The following DYNC1LI2 variants were observed in gnomAD, a reference collection of about 807,000 sequenced individuals.
DYNC1LI2 encodes cytoplasmic dynein 1 light intermediate chain 2.
A neutral mutation model predicts 57.8 loss-of-function variants in DYNC1LI2; 19 were observed. The ratio of observed to expected loss-of-function variants is 0.33; its 90% confidence interval spans 0.23 to 0.48. DYNC1LI2 has a LOEUF of 0.48. DYNC1LI2 is among the 20% of genes least tolerant of loss of function. DYNC1LI2 has a pLI of 0.99. For synonymous variants in DYNC1LI2, 256 were observed against 233.4 expected (o/e 1.10, Z -0.88); for missense variants, 470 against 604.2 (o/e 0.78, Z 2.33).
chr16:66,747,427 G>C (rs140339620), intron 3 of DYNC1LI2, among the ~76,000 whole-genome samples: 190 of 152,248 alleles, frequency 1.2e-3, no homozygotes, highest in Non-Finnish European at 2.2e-3. Context: ...TACGGTGCTG[G>C]AAAGGACCTT....
chr16:66,736,626 T>C (rs1361280122), intron 4 of DYNC1LI2, among the ~76,000 whole-genome samples: 2 of 152,156 alleles, frequency 1.3e-5, no homozygotes, highest in Non-Finnish European at 2.9e-5. Flanking sequence ...GCTTCCCAAG[T>C]AGCTGGGACT....
At chr16:66,739,728 A>T (rs1305440806) in intron 4 of DYNC1LI2, among the ~76,000 whole-genome samples, 1 of 152,224 alleles carries the variant, frequency 6.6e-6, no homozygotes, top group Non-Finnish European at 1.5e-5. Context: ...GCGCCTGGCC[A>T]ACTTAGCATT....
chr16:66,742,586 G>T lies in DYNC1LI2; in HGVS notation c.381C>A (p.Ser127=), dbSNP rs749498251. The part of the protein sequence containing the change: ...GLLKFAVSAE[S]LPETLVIFVA... ...CAAAAATGACGAGGGTCTCTGGCAA[G>T]GATTCAGCAGAAACTGCAAATTTCA... is the stretch of plus-strand genomic sequence containing the variant. Residue 127 remains serine, a synonymous_variant, in exon 4 of 13, where the codon TCC becomes TCA. Transcript: ENST00000258198. The T allele has an allele frequency of 2.8e-5, 46 of 1,614,086 alleles. No homozygotes were observed. Among genetic ancestry groups the T allele is most frequent in the Non-Finnish European group, 3.7e-5 (44 of 1,180,062 alleles).
At chr16:66,750,211 C>G (rs1191304730) in intron 2 of DYNC1LI2, among the ~76,000 whole-genome samples, 1 of 152,158 alleles carries the variant, frequency 6.6e-6, no homozygotes, top group Non-Finnish European at 1.5e-5. Flanking sequence ...ATCTTGATCC[C>G]CCACTTCTTG....
intron 8 of DYNC1LI2, among the ~76,000 whole-genome samples, chr16:66,729,689 G>T (rs1164998161): frequency 1.4e-5 from 2 of 147,642 alleles, no homozygotes; most frequent in Non-Finnish European, 3.0e-5. Flanking sequence ...CAATTCTCCT[G>T]CCTCAGCCTC....
At position 66,734,232 on chromosome 16, in the gene DYNC1LI2, C is replaced by A. The variant is rs751544781; in HGVS notation, c.779G>T (p.Arg260Met). ...HLDFIQSHLR[R>M]FCLQYGAALI... ...CCAAAGGATACACTGAAGGCAGAACCTCCGCAGGTGTGACTGGATAAAGTC... is the reference window on the plus strand; with the variant it reads ...CCAAAGGATACACTGAAGGCAGAACATCCGCAGGTGTGACTGGATAAAGTC... Residue 260 changes from arginine to methionine, a missense_variant, in exon 6 of 13, where the codon AGG (arginine) becomes ATG (methionine). Coordinates refer to ENST00000258198, the MANE Select transcript of DYNC1LI2 (RefSeq NM_006141.3). 4 of 1,614,034 alleles carry A rather than the reference C, an allele frequency of 2.5e-6. No individual in the cohort carries two copies. The African/African-American group carries it at 4.0e-5, about 16-fold the overall frequency.
At chr16:66,749,482 G>C (rs1409924626) in intron 2 of DYNC1LI2, among the ~76,000 whole-genome samples, 169 bp from the exon 3 acceptor site, 1 of 152,172 alleles carries the variant, frequency 6.6e-6, no homozygotes, top group African/African-American at 2.4e-5. Context: ...GGTTGGGAGG[G>C]TGGGGAGGAG....
In DYNC1LI2 at chr16:66,751,491, C is replaced by A. The variant is rs1479950869; in HGVS notation, c.101G>T (p.Ser34Ile). The part of the protein sequence containing the change: ...DLTSEEEEGQ[S>I]LWSSILSEVS... ...CGACCGCCCGCGGCCTCACCATAGG[C>A]TCTGGCCTTCCTCCTCCTCACTGGT... The change falls in exon 1 of 13, where the codon AGC becomes ATC. Residue 34 changes from serine to isoleucine, a missense_variant. Ser to Ile is a moderately radical substitution (Grantham distance 142). Transcript: ENST00000258198. This position sits in a 1 kb window ranked among gnomAD's most constrained non-coding sequence, Gnocchi z 5.2. 6.3e-7 allele frequency: 1 copy of A among 1,589,866 alleles called. No individual in the cohort carries two copies.
chr16:66,751,449 C>T lies in DYNC1LI2; in HGVS notation c.107+36G>A, dbSNP rs755815922. On this transcript the variant is annotated intron_variant, in intron 1 of 12. Coordinates refer to ENST00000258198, the MANE Select transcript of DYNC1LI2 (RefSeq NM_006141.3). The surrounding 1 kb of genome is among the most constrained non-coding windows in gnomAD (Gnocchi z 5.2). ...CCGACGGTCCGGCCCAGAGGCCGCG[C>T]CCCCCACGGCCCGGCCCGACCGCCC... The T allele has an allele frequency of 6.3e-7, 1 of 1,577,550 alleles. No individual in the cohort carries two copies. Among genetic ancestry groups the T allele is most frequent in the Non-Finnish European group, 8.6e-7 (1 of 1,165,892 alleles).
intron 12 of DYNC1LI2, among the ~76,000 whole-genome samples, chr16:66,724,110 C>T (rs1407052755): frequency 6.6e-6 from 1 of 152,146 alleles, no homozygotes; most frequent in Admixed American, 6.5e-5. Context: ...TCTGAAAACC[C>T]TCTCACCACC....
chr16:66,734,100 A>C (rs2017686401), intron 6 of DYNC1LI2, 118 bp downstream of exon 6: 1 of 861,104 alleles, frequency 1.2e-6, no homozygotes, highest in Non-Finnish European at 1.8e-6. Context: ...AAAAAGATAT[A>C]TACAAATTCT....
In DYNC1LI2 at chr16:66,727,846, A is replaced by G. The variant is rs775800498; in HGVS notation, c.1144-41T>C. On this transcript the variant is annotated intron_variant, in intron 10 of 12. Coordinates refer to ENST00000258198, the MANE Select transcript of DYNC1LI2 (RefSeq NM_006141.3). The stretch of plus-strand genomic sequence containing the variant: ...GCTAAGGTCACACACAGGCATAACA[A>G]TAACAAAAAATACATATGCCACAAA... 25 of 1,511,732 alleles carry G rather than the reference A, an allele frequency of 1.7e-5. No homozygotes were observed. The Admixed American group carries it at 2.2e-4, about 13-fold the overall frequency. The allele number at this position is 1,511,732 out of a possible 1,614,324, so 93.6% of individuals were successfully genotyped here.
chr16:66,749,903 A>T (rs932403808), intron 2 of DYNC1LI2, among the ~76,000 whole-genome samples: 1 of 152,198 alleles, frequency 6.6e-6, no homozygotes, highest in African/African-American at 2.4e-5. Context: ...GCACTTCTTC[A>T]TCTCCCTCCA....
At chr16:66,735,738 C>T (rs2017722491) in intron 5 of DYNC1LI2, among the ~76,000 whole-genome samples, 1 of 151,630 alleles carries the variant, frequency 6.6e-6, no homozygotes, top group African/African-American at 2.4e-5. Context: ...CATCTACTGA[C>T]CTCATGATCC....
intron 6 of DYNC1LI2, among the ~76,000 whole-genome samples, chr16:66,733,735 T>C (rs1444234750): frequency 6.6e-6 from 1 of 151,902 alleles, no homozygotes; most frequent in Non-Finnish European, 1.5e-5. Context: ...CTGGAAGTGG[T>C]GGCGCACACC....
chr16:66,730,534 G>A, intron 7 of DYNC1LI2: 1 of 215,904 alleles, frequency 4.6e-6, no homozygotes, highest in Non-Finnish European at 9.2e-6. Flanking sequence ...GAAGAGCAAG[G>A]ACACAGTGGG....
At chr16:66,741,127 ATC>A (rs1313128262) in intron 4 of DYNC1LI2, among the ~76,000 whole-genome samples, 1 of 152,164 alleles carries the variant, frequency 6.6e-6, no homozygotes, top group Non-Finnish European at 1.5e-5. Context: ...TATTGGCTCA[ATC>A]TCTCTCTTTT....
At position 66,751,154 on chromosome 16, in the gene DYNC1LI2, T is replaced by C; in HGVS notation, c.181+119A>G. On this transcript the variant is annotated intron_variant, in intron 2 of 12. Coordinates refer to ENST00000258198, the MANE Select transcript of DYNC1LI2 (RefSeq NM_006141.3). The surrounding 1 kb of genome is among the most constrained non-coding windows in gnomAD (Gnocchi z 5.2). ...CCAGCTGACCGGCCAGGGCCGACGG[T>C]CCCTTTCCCGCCAGGCTGCGGGCAG... is the stretch of plus-strand genomic sequence containing the variant. 8.3e-7 allele frequency: 1 copy of C among 1,197,844 alleles called. No homozygotes were observed. The highest frequency in any genetic ancestry group is 1.2e-6 in the Non-Finnish European group (1 of 866,998). The allele number at this position is 1,197,844 out of a possible 1,614,324, so 74.2% of individuals were successfully genotyped here.
chr16:66,734,752 T>C lies in DYNC1LI2; in HGVS notation c.700-441A>G, dbSNP rs532669124. ...TGGCTTACACTTGTAATCCCAACAC[T>C]CTGGGAGGTCAAGGTGGGCAGATCA... On this transcript the variant is annotated intron_variant, in intron 5 of 12. Coordinates refer to ENST00000258198, the MANE Select transcript of DYNC1LI2 (RefSeq NM_006141.3). 2.0e-5 allele frequency among the ~76,000 whole-genome samples: 3 copies of C among 151,936 alleles called. No homozygotes were observed. In the South Asian group the frequency reaches 6.2e-4, roughly 32 times the overall value.
Sources: gnomAD v4.1 joint callset for allele counts (sites outside exome capture counted in the v4.1 genomes callset) on GRCh38, gnomAD v4.1.1 for gene constraint, Gnocchi (gnomAD v3.1) non-coding constraint, MANE v1.5 for transcripts, NCBI Gene and HGNC (gene_info 2026-07-23, HGNC 2026-07-21) for gene names.